ANXA4: variants seen among roughly 807,000 people sequenced by gnomAD.
ANXA4 encodes 35-beta calcimedin.
In ANXA4, 39 loss-of-function variants were observed where a neutral mutation model predicts 49.8. The ratio of observed to expected loss-of-function variants is 0.78; its 90% CI spans 0.61 to 1.02. ANXA4 has a LOEUF of 1.02. Ranked by LOEUF, ANXA4 falls within the 50% of genes least tolerant of loss-of-function variation. ANXA4 has a pLI of 0.00. For missense variants in ANXA4, 360 were observed against 410.1 expected, an observed-to-expected ratio of 0.88 and a Z score of 1.05; for synonymous variants, 134 against 152.5, an observed-to-expected ratio of 0.88 and a Z score of 0.89.
intron 3 of ANXA4, among the ~76,000 whole-genome samples, chr2:69,734,663 A>G (rs1216092846): frequency 6.6e-6 from 1 of 150,878 alleles, no homozygotes; most frequent in African/African-American, 2.5e-5. Flanking sequence ...AAAATCCATG[A>G]ACTTAAGATG....
Position 69,826,483 on chromosome 2 carries a change from A to G in ANXA4, c.*968A>G, listed in dbSNP as rs1261683073. On this transcript the variant is annotated 3_prime_UTR_variant, in exon 13 of 13. Transcript: ENST00000394295. ...GTAAGAACGTGGAAAAATAATTTTA[A>G]TTTAAAAATGGTGTTTTTAGGCCGG... is the stretch of plus-strand genomic sequence containing the variant. 6.6e-6 allele frequency: 1 copy of G among 152,350 alleles called. No individual in the cohort carries two copies. The highest frequency in any genetic ancestry group is 1.5e-5 in the Non-Finnish European group (1 of 68,040). 9.4% of individuals were successfully genotyped at this position (152,350 alleles called of 1,614,324 possible). A position where few individuals can be genotyped will look rare whatever the true frequency, so the allele number is the denominator to read the frequency against.
chr2:69,702,796 A>AT (rs1000764006), intron 2 of ANXA4, among the ~76,000 whole-genome samples: 1 of 152,150 alleles, frequency 6.6e-6, no homozygotes, highest in Non-Finnish European at 1.5e-5. Flanking sequence ...TAAAGACAAA[A>AT]TTTTTTTAAA....
intron 4 of ANXA4, among the ~76,000 whole-genome samples, chr2:69,805,046 CAAAAAAAAA>C (rs60172949): frequency 1.7e-4 from 6 of 35,870 alleles, no homozygotes; most frequent in East Asian, 1.1e-3. Flanking sequence ...GACTCCATCT[CAAAAAAAAA>C]AAAAAAAAAA....
intron 2 of ANXA4, among the ~76,000 whole-genome samples, chr2:69,663,093 C>T (rs576152952): frequency 1.0e-4 from 15 of 148,506 alleles, no homozygotes; most frequent in East Asian, 2.0e-4. Flanking sequence ...CCCAGGTTCA[C>T]GCCATTCTCC....
intron 2 of ANXA4, among the ~76,000 whole-genome samples, chr2:69,703,515 CT>C: frequency 6.6e-6 from 1 of 152,150 alleles, no homozygotes; most frequent in East Asian, 1.9e-4. Flanking sequence ...AATATGTGGC[CT>C]TTTGTGTCTG....
chr2:69,668,114 C>T (rs116455774), intron 2 of ANXA4, among the ~76,000 whole-genome samples: 2,678 of 151,946 alleles, frequency 0.018, 84 homozygotes, highest in African/African-American at 0.06. Flanking sequence ...AGTGTGGAGC[C>T]GGGTAGCCTT....
chr2:69,697,869 G>A, intron 2 of ANXA4, among the ~76,000 whole-genome samples: 1 of 151,608 alleles, frequency 6.6e-6, no homozygotes, highest in Non-Finnish European at 1.5e-5. Context: ...CAGGGACTGG[G>A]CAAAGTGGTT....
At chr2:69,693,946 CAGT>C in intron 2 of ANXA4, among the ~76,000 whole-genome samples, 1 of 152,228 alleles carries the variant, frequency 6.6e-6, no homozygotes, top group East Asian at 1.9e-4. Flanking sequence ...AGAGAGTTCT[CAGT>C]GGTCCTAAAG....
Position 69,689,683 on chromosome 2 carries a change from G to A in ANXA4, n.767-31091G>A, listed in dbSNP as rs187945399. ...ACTTGAAGTAGTTCCTTCCTGTGTG[G>A]TTATTCCGCCAACTCAGAGTGTACA... On this transcript the variant is annotated intron_variant and non_coding_transcript_variant, in intron 2 of 3. Coordinates refer to the ANXA4 transcript ENST00000418066. Among the ~76,000 whole-genome samples the A allele has an allele frequency of 3.0e-3, 452 of 152,212 alleles. 5 individuals are homozygous for A. Among genetic ancestry groups the A allele is most frequent in the African/African-American group, 0.011 (437 of 41,530 alleles).
At chr2:69,692,365 T>C (rs1239820004) in intron 2 of ANXA4, among the ~76,000 whole-genome samples, 1 of 152,234 alleles carries the variant, frequency 6.6e-6, no homozygotes, top group African/African-American at 2.4e-5. Context: ...AAAGATTCAA[T>C]GCTTTAGGTC....
chr2:69,738,045 C>A (rs1331222467), upstream of ANXA4, among the ~76,000 whole-genome samples: 1 of 152,090 alleles, frequency 6.6e-6, no homozygotes, highest in Non-Finnish European at 1.5e-5. Flanking sequence ...ATAAGTATGT[C>A]TCATGCAATA....
intron 1 of ANXA4, among the ~76,000 whole-genome samples, chr2:69,756,190 A>T (rs1358535818): frequency 1.3e-5 from 2 of 152,220 alleles, no homozygotes; most frequent in Admixed American, 1.3e-4. Flanking sequence ...GTAAGTTTGT[A>T]GGAATAAAAC....
chr2:69,739,465 G>T (rs527489890), upstream of ANXA4, among the ~76,000 whole-genome samples: 99 of 152,160 alleles, frequency 6.5e-4, no homozygotes, highest in African/African-American at 2.4e-3. Context: ...AGGCTGGAGT[G>T]CAGAGGCATA....
chr2:69,763,467 G>A (rs1559159472), intron 1 of ANXA4, among the ~76,000 whole-genome samples: 1 of 152,080 alleles, frequency 6.6e-6, no homozygotes, highest in Non-Finnish European at 1.5e-5. Context: ...TTTAGAGCCA[G>A]AAGGAAAGTT....
intron 3 of ANXA4, among the ~76,000 whole-genome samples, chr2:69,726,910 T>G (rs1385044344): frequency 6.6e-6 from 1 of 152,114 alleles, no homozygotes; most frequent in African/African-American, 2.4e-5. Context: ...ATATACAGGG[T>G]CTTGTTCTGT....
intron 2 of ANXA4, among the ~76,000 whole-genome samples, chr2:69,678,389 CTTTTTTTTTT>C (rs150952411): frequency 1.3e-5 from 1 of 78,366 alleles, no homozygotes; most frequent in African/African-American, 5.1e-5. Flanking sequence ...CTTTTCTTTT[CTTTTTTTTTT>C]TTTTTTTTTT....
Position 69,825,786 on chromosome 2 carries a change from ACT to A in ANXA4, c.*272_*273del. On this transcript the variant is annotated 3_prime_UTR_variant, in exon 13 of 13. Transcript: ENST00000394295. The stretch of plus-strand genomic sequence containing the variant: ...ATGTATTCCATGTTTTTAAAAGATT[ACT>A]TTCTACTTTGTGTTTCACAGACATT... 1 of 291,496 alleles carries A rather than the reference ACT, an allele frequency of 3.4e-6. No individual in the cohort carries two copies. Among genetic ancestry groups the A allele is most frequent in the Non-Finnish European group, 6.3e-6 (1 of 159,754 alleles). The allele number at this position is 291,496 out of a possible 1,614,324, so 18.1% of individuals were successfully genotyped here.
intron 12 of ANXA4, among the ~76,000 whole-genome samples, chr2:69,823,649 A>C (rs1674340796): frequency 6.6e-6 from 1 of 152,192 alleles, no homozygotes; most frequent in African/African-American, 2.4e-5. Context: ...CAAAGGCAAC[A>C]ATTCACAGCA....
Position 69,810,606 on chromosome 2 carries a change from G to A in ANXA4, c.410G>A (p.Ser137Asn). The change falls in exon 7 of 13, where the codon AGC (serine) becomes AAC (asparagine). Residue 137 changes from serine to asparagine, a missense_variant. Transcript: ENST00000394295. ...ACTCTCTTGCTAGAATATGGACGGA[G>A]CCTTGAAGATGACATTCGCTCTGAC... ...SQTYQQQYGR[S>N]LEDDIRSDTS... is the part of the protein sequence containing the mutation. 1 of 1,614,060 alleles carries A rather than the reference G, an allele frequency of 6.2e-7. No homozygotes were observed. Among genetic ancestry groups the A allele is most frequent in the South Asian group, 1.1e-5 (1 of 91,082 alleles).
Sources: allele counts gnomAD v4.1 joint callset (sites outside exome capture counted in the v4.1 genomes callset), GRCh38; gene constraint gnomAD v4.1.1; transcripts MANE v1.5; gene names NCBI Gene and HGNC (gene_info 2026-07-23, HGNC 2026-07-21).